Variants in SVEP1 observed in about 807,000 individuals in gnomAD.
SVEP1 encodes sushi, von Willebrand factor type A, EGF and pentraxin domain containing 1, also known as sushi, von Willebrand factor type A, EGF and pentraxin domain-containing protein 1.
SVEP1 carries 164 observed loss-of-function variants against 367.3 expected under a neutral mutation model. That is an observed-to-expected ratio of 0.45 (90% CI 0.39 to 0.51). The LOEUF (loss-of-function observed/expected upper bound fraction) is 0.51, where lower values mean the gene tolerates loss of function less well. Among genes scored for constraint, SVEP1 ranks in the 20% least tolerant of loss-of-function variants. SVEP1 has a pLI of 0.00. For missense variants in SVEP1, 4,117 were observed against 4,425.3 expected (o/e 0.93, Z 1.98); for synonymous variants, 1,666 against 1,611.6 (o/e 1.03, Z -0.81).
intron 6 of SVEP1, among the ~76,000 whole-genome samples, chr9:110,502,205 A>G (rs1311772949): frequency 6.7e-6 from 1 of 149,848 alleles, no homozygotes; most frequent in East Asian, 2.0e-4. Context: ...TGGGTTCAAG[A>G]GATTCTCCTG....
At chr9:110,466,647 G>A (rs1828941652) in intron 17 of SVEP1, among the ~76,000 whole-genome samples, 1 of 148,502 alleles carries the variant, frequency 6.7e-6, no homozygotes, top group Admixed American at 6.7e-5. Flanking sequence ...TGTAGTCCCA[G>A]CTACTTGGGA....
chr9:110,449,295 C>G (rs1828655113), intron 24 of SVEP1, among the ~76,000 whole-genome samples: 1 of 152,000 alleles, frequency 6.6e-6, no homozygotes, highest in Non-Finnish European at 1.5e-5. Flanking sequence ...GATTATTTTA[C>G]TTTTTTACAT....
At position 110,578,796 on chromosome 9, in the gene SVEP1, T is replaced by C. The variant is rs553213387; in HGVS notation, c.531+217A>G. Among the ~76,000 whole-genome samples, 11 of 152,294 alleles carry C rather than the reference T, an allele frequency of 7.2e-5. No homozygotes were observed. In the East Asian group the frequency reaches 1.7e-3, roughly 24 times the overall value. ...CTCGAAGCCGACTATCTAAGGAGCC[T>C]GACATCCCTCTAAGCGTTTTAAAAT... On this transcript the variant is annotated intron_variant, in intron 1 of 47. Transcript: ENST00000374469.
intron 26 of SVEP1, 95 bp from the exon 27 acceptor site, chr9:110,443,815 T>C (rs1418254689): frequency 2.6e-6 from 3 of 1,142,070 alleles, no homozygotes; most frequent in Middle Eastern, 2.1e-4. Context: ...TTTTCTTTTT[T>C]TGTGGGTAAA....
chr9:110,406,121 TGCCC>T, intron 38 of SVEP1, 35 bp downstream of exon 38: 1 of 1,516,286 alleles, frequency 6.6e-7, no homozygotes, highest in South Asian at 1.3e-5. Context: ...TTCATAATCC[TGCCC>T]GCACCCCTTG....
chr9:110,431,109 T>A (rs1034696677), intron 32 of SVEP1, among the ~76,000 whole-genome samples: 1 of 152,228 alleles, frequency 6.6e-6, no homozygotes, highest in Non-Finnish European at 1.5e-5. Flanking sequence ...AATGCAATTA[T>A]GAGCTGATTT....
At chr9:110,446,479 C>G (rs982005464) in intron 25 of SVEP1, among the ~76,000 whole-genome samples, 1 of 152,202 alleles carries the variant, frequency 6.6e-6, no homozygotes, top group Non-Finnish European at 1.5e-5. Context: ...AGCTCTGCCC[C>G]AAACCTGCAC....
intron 3 of SVEP1, among the ~76,000 whole-genome samples, chr9:110,518,392 AGCC>A (rs1247245948): frequency 6.6e-6 from 1 of 151,974 alleles, no homozygotes; most frequent in Admixed American, 6.6e-5. Flanking sequence ...ATTGCACTCC[AGCC>A]TGGGTGACAG....
At chr9:110,526,831 T>C (rs904100440) in intron 3 of SVEP1, among the ~76,000 whole-genome samples, 1 of 152,058 alleles carries the variant, frequency 6.6e-6, no homozygotes, top group African/African-American at 2.4e-5. Flanking sequence ...TACTATGAAA[T>C]ACTACTCAGC....
chr9:110,387,300 C>T lies in SVEP1; in HGVS notation c.10045G>A (p.Val3349Ile). 1 of 1,598,180 alleles carries T rather than the reference C, an allele frequency of 6.3e-7. No individual in the cohort carries two copies. The highest frequency in any genetic ancestry group is 1.4e-5 in the African/African-American group (1 of 73,986). ...CTENGTWSHP[V>I]PLCKPNPCPV... ...CAACACACACGTTTGCAGAGAGGGA[C>T]TGGGTGGCTCCAGGTTCCATTTTCT... Residue 3349 changes from valine to isoleucine, a missense_variant, in exon 42 of 48, where the codon GTC becomes ATC. Physicochemically the swap from Val to Ile is conservative, Grantham distance 29 (BLOSUM62 3). This residue lies in a region of SVEP1 where 1,765 missense variants were observed against 1,781.1 expected (regional missense o/e 0.99). Transcript: ENST00000374469.
chr9:110,402,372 C>G (rs1827877267), intron 39 of SVEP1, among the ~76,000 whole-genome samples: 1 of 152,086 alleles, frequency 6.6e-6, no homozygotes, highest in African/African-American at 2.4e-5. Flanking sequence ...GTATTGATCT[C>G]CTTATCCATG....
chr9:110,515,547 G>T (rs997712115), intron 3 of SVEP1, among the ~76,000 whole-genome samples: 1 of 151,990 alleles, frequency 6.6e-6, no homozygotes, highest in South Asian at 2.1e-4. Context: ...TGATCCGCCC[G>T]CCTCAGCCTC....
chr9:110,410,577 A>G (rs1378127964), intron 37 of SVEP1, among the ~76,000 whole-genome samples: 1 of 152,230 alleles, frequency 6.6e-6, no homozygotes, highest in African/African-American at 2.4e-5. Context: ...CTAACTTCCT[A>G]TTTAGGGCTA....
At chr9:110,486,604 T>C (rs115943174) in intron 9 of SVEP1, among the ~76,000 whole-genome samples, 4,238 of 151,900 alleles carry the variant, frequency 0.028, 189 homozygotes, top group African/African-American at 0.097. Context: ...CTTCCTTCTT[T>C]CTCTGCTTCA....
At chr9:110,401,519 G>A (rs957258006) in intron 39 of SVEP1, among the ~76,000 whole-genome samples, 1 of 148,526 alleles carries the variant, frequency 6.7e-6, no homozygotes, top group East Asian at 1.9e-4. Context: ...AAGGGGTCAT[G>A]TAGAAAAAAA....
chr9:110,439,955 C>T (rs1458398272), intron 27 of SVEP1, among the ~76,000 whole-genome samples: 1 of 151,966 alleles, frequency 6.6e-6, no homozygotes, highest in Non-Finnish European at 1.5e-5. Flanking sequence ...GATAAAAATG[C>T]TTTTTTTAAC....
chr9:110,524,246 A>T (rs1385891824), intron 3 of SVEP1, among the ~76,000 whole-genome samples: 1 of 152,148 alleles, frequency 6.6e-6, no homozygotes, highest in Non-Finnish European at 1.5e-5. Flanking sequence ...AAAAATAAGC[A>T]CCACTTCTAC....
At chr9:110,391,485 T>C (rs1438085294) in intron 40 of SVEP1, among the ~76,000 whole-genome samples, 2 of 152,144 alleles carry the variant, frequency 1.3e-5, no homozygotes, top group African/African-American at 4.8e-5. Context: ...TTGGACAGGC[T>C]GGTCTCAAAC....
At chr9:110,367,809 G>A (rs186545442) in intron 47 of SVEP1, among the ~76,000 whole-genome samples, 69 of 152,246 alleles carry the variant, frequency 4.5e-4, no homozygotes, top group Admixed American at 1.8e-3. Context: ...GGCCAGGCAC[G>A]GTGGCTCATG....
Sources: gnomAD v4.1 joint callset for allele counts (sites outside exome capture counted in the v4.1 genomes callset) on GRCh38, gnomAD v4.1.1 for gene constraint, gnomAD v4.1.1 regional missense constraint, MANE v1.5 for transcripts, NCBI Gene and HGNC (gene_info 2026-07-23, HGNC 2026-07-21) for gene names.